The following PAK5 variants were observed in gnomAD, a reference collection of about 807,000 sequenced individuals.
The protein encoded by PAK5 is p21 (RAC1) activated kinase 5.
In PAK5, 16 loss-of-function variants were observed where a neutral mutation model predicts 65.9. The observed-to-expected ratio is 0.24, with a 90% CI of 0.16 to 0.37. The LOEUF (loss-of-function observed/expected upper bound fraction) is 0.37, where lower values mean the gene tolerates loss of function less well. Ranked by LOEUF, PAK5 falls within the 10% of genes least tolerant of loss-of-function variation. The probability of loss-of-function intolerance (pLI) is 1.00; values close to 1 mark genes in which losing one functional copy is unlikely to be tolerated. For missense variants in PAK5, 785 were observed against 903.9 expected (o/e 0.87, Z 1.69); for synonymous variants, 371 against 354.9 (o/e 1.05, Z -0.51).
intron 1 of PAK5, among the ~76,000 whole-genome samples, chr20:9,773,713 TG>T (rs2048858201): frequency 6.6e-6 from 1 of 152,224 alleles, no homozygotes; most frequent in South Asian, 2.1e-4. Flanking sequence ...ACGGCAGAGC[TG>T]GAGCCTTGGC....
intron 1 of PAK5, among the ~76,000 whole-genome samples, chr20:9,799,939 C>CAAAAAAAAAAAAAAA (rs71331383): frequency 2.3e-5 from 1 of 43,658 alleles, no homozygotes; most frequent in Non-Finnish European, 4.5e-5. Context: ...ACTCTGTCTC[C>CAAAAAAAAAAAAAAA]AAAAAAAAAA....
At chr20:9,736,464 T>A (rs2048390407) in intron 1 of PAK5, among the ~76,000 whole-genome samples, 1 of 152,168 alleles carries the variant, frequency 6.6e-6, no homozygotes, top group Admixed American at 6.5e-5. Flanking sequence ...AAATTAAAAA[T>A]TTTTTAAGTT....
chr20:9,572,172 T>G (rs578151895), intron 4 of PAK5, among the ~76,000 whole-genome samples: 5 of 151,630 alleles, frequency 3.3e-5, no homozygotes, highest in Non-Finnish European at 7.4e-5. Flanking sequence ...TCTATGTACA[T>G]CATTCATCAT....
chr20:9,832,941 C>A (rs548987255), intron 1 of PAK5, among the ~76,000 whole-genome samples: 2 of 152,172 alleles, frequency 1.3e-5, no homozygotes, highest in Non-Finnish European at 2.9e-5. Flanking sequence ...TATTGTTTTC[C>A]ATGATTCTGT....
chr20:9,832,013 T>C (rs1267876819), intron 1 of PAK5, among the ~76,000 whole-genome samples: 1 of 152,140 alleles, frequency 6.6e-6, no homozygotes, highest in African/African-American at 2.4e-5. Context: ...TGGTGAAGTT[T>C]GTTTCACGTC....
chr20:9,691,493 T>C (rs371025890), intron 2 of PAK5, among the ~76,000 whole-genome samples: 1 of 152,326 alleles, frequency 6.6e-6, no homozygotes, highest in African/African-American at 2.4e-5. Context: ...CCACCTTGAC[T>C]GAATAGCCTG....
At chr20:9,808,847 G>A (rs1264914888) in intron 1 of PAK5, among the ~76,000 whole-genome samples, 1 of 152,044 alleles carries the variant, frequency 6.6e-6, no homozygotes, top group Non-Finnish European at 1.5e-5. Context: ...TCATTGAATT[G>A]TATACTTTAA....
At chr20:9,807,118 G>A (rs145128120) in intron 1 of PAK5, among the ~76,000 whole-genome samples, 73 of 152,204 alleles carry the variant, frequency 4.8e-4, no homozygotes, top group African/African-American at 1.7e-3. Context: ...GGCCTACTCA[G>A]TTAATATAAG....
intron 2 of PAK5, among the ~76,000 whole-genome samples, chr20:9,710,809 C>T (rs2048068862): frequency 6.6e-6 from 1 of 152,196 alleles, no homozygotes; most frequent in South Asian, 2.1e-4. Context: ...CTACATCCTG[C>T]TTCTCCAAAG....
At chr20:9,542,316 A>T (rs1029895374) in intron 9 of PAK5, among the ~76,000 whole-genome samples, 1 of 152,210 alleles carries the variant, frequency 6.6e-6, no homozygotes, top group Non-Finnish European at 1.5e-5. Flanking sequence ...GGCATAGAGC[A>T]CCTGATTTAC....
rs144339974 is a variant in PAK5 at position 9,563,634 on chromosome 20, C to T, written c.1483-610G>A. On this transcript the variant is annotated intron_variant, in intron 5 of 9. Transcript: ENST00000353224. ...TAAGGAGCCTGCTTGCTGGAGAGAG[C>T]TTCCAGAAATTGCTGCCCTGTGGCT... Among the ~76,000 whole-genome samples the T allele has an allele frequency of 3.3e-3, 500 of 152,314 alleles. 3 individuals carry two copies. Among genetic ancestry groups the T allele is most frequent in the African/African-American group, 0.011 (450 of 41,568 alleles).
At chr20:9,691,656 TTCACAAATAAG>T (rs945056287) in intron 2 of PAK5, among the ~76,000 whole-genome samples, 5 of 152,078 alleles carry the variant, frequency 3.3e-5, no homozygotes, top group Admixed American at 2.6e-4. Flanking sequence ...ATGATTAATA[TTCACAAATAAG>T]TCACAAATCA....
At chr20:9,769,316 A>T (rs2048807708) in intron 1 of PAK5, among the ~76,000 whole-genome samples, 1 of 152,212 alleles carries the variant, frequency 6.6e-6, no homozygotes, top group Non-Finnish European at 1.5e-5. Flanking sequence ...TTATCTGTTA[A>T]TTCTGCCCAT....
chr20:9,828,957 A>G (rs1978495462), intron 1 of PAK5, among the ~76,000 whole-genome samples: 1 of 152,160 alleles, frequency 6.6e-6, no homozygotes, highest in Non-Finnish European at 1.5e-5. Context: ...CAGTTGGAAA[A>G]TAGGGTAATA....
Position 9,636,061 on chromosome 20 carries a change from A to G in PAK5, c.204+8064T>C, listed in dbSNP as rs559269454. Among the ~76,000 whole-genome samples, 10 of 152,354 alleles carry G rather than the reference A, an allele frequency of 6.6e-5. No individual in the cohort carries two copies. The South Asian group carries it at 1.9e-3, about 28-fold the overall frequency. On this transcript the variant is annotated intron_variant, in intron 3 of 9. Transcript: ENST00000353224. ...ACCAACAAGGAAGACCACATCAGTT[A>G]TGCGTAATTGAGAAGGAACCTTGGG...
intron 3 of PAK5, among the ~76,000 whole-genome samples, chr20:9,586,525 G>A (rs190587977): frequency 9.8e-4 from 149 of 152,062 alleles, no homozygotes; most frequent in African/African-American, 3.4e-3. Flanking sequence ...TATGTGTCTA[G>A]GCCTATACTA....
At chr20:9,630,801 A>G (rs6056766) in intron 3 of PAK5, among the ~76,000 whole-genome samples, 82,462 of 152,040 alleles carry the variant, frequency 0.54, 23,445 homozygotes, top group African/African-American at 0.71. Flanking sequence ...GCCTGGCTGG[A>G]TTTCAGAAGA....
intron 1 of PAK5, among the ~76,000 whole-genome samples, chr20:9,736,462 A>G (rs181365434): frequency 6.6e-6 from 1 of 152,314 alleles, no homozygotes; most frequent in East Asian, 1.9e-4. Flanking sequence ...TCAAATTAAA[A>G]ATTTTTTAAG....
chr20:9,683,584 C>T (rs1230486669), intron 2 of PAK5, among the ~76,000 whole-genome samples: 1 of 152,142 alleles, frequency 6.6e-6, no homozygotes, highest in African/African-American at 2.4e-5. Flanking sequence ...AATCCTTTCC[C>T]TGTTTATCCT....
Sources: gnomAD v4.1 joint callset for allele counts (sites outside exome capture counted in the v4.1 genomes callset) on GRCh38, gnomAD v4.1.1 for gene constraint, MANE v1.5 for transcripts, NCBI Gene and HGNC (gene_info 2026-07-23, HGNC 2026-07-21) for gene names.